KRT86: variants seen among roughly 807,000 people sequenced by gnomAD.
KRT86 encodes the protein keratin, type II cuticular Hb6.
Under a neutral mutation model 41.2 loss-of-function variants are expected in KRT86, and 30 were observed. That is an observed-to-expected ratio of 0.73 (90% confidence interval 0.54 to 0.99). KRT86 has a LOEUF of 0.99. KRT86 is among the 50% of genes least tolerant of loss of function. The probability of loss-of-function intolerance (pLI) is 0.00; values close to 1 mark genes in which losing one functional copy is unlikely to be tolerated. For missense variants in KRT86, 561 were observed against 571.4 expected (o/e 0.98, Z 0.19); for synonymous variants, 238 against 238.1 (o/e 1.00, Z 0.00).
intron 2 of KRT86, chr12:52,287,450 G>A (rs2121235475): frequency 3.8e-6 from 6 of 1,570,878 alleles, no homozygotes; most frequent in South Asian, 3.4e-5. Context: ...TTATCACCTG[G>A]GACTCATTGA....
intron 2 of KRT86, among the ~76,000 whole-genome samples, chr12:52,298,013 CTG>C (rs1481051131): frequency 6.6e-6 from 1 of 152,204 alleles, no homozygotes; most frequent in East Asian, 1.9e-4. Flanking sequence ...TAATTTATGA[CTG>C]AGGATTTCTG....
chr12:52,287,804 A>G (rs748654897), intron 2 of KRT86: 342 of 1,612,208 alleles, frequency 2.1e-4, no homozygotes, highest in Middle Eastern at 9.9e-4. Flanking sequence ...TGCAGGTTGT[A>G]CAGTGCTCAG....
intron 2 of KRT86, chr12:52,286,464 AC>A (rs1937939688): frequency 6.4e-7 from 1 of 1,552,506 alleles, no homozygotes. Context: ...AGGTCCCCGC[AC>A]ACGACCCCGC....
chr12:52,285,258 G>T (rs527472581), intron 2 of KRT86, among the ~76,000 whole-genome samples: 1 of 151,978 alleles, frequency 6.6e-6, no homozygotes, highest in East Asian at 1.9e-4. Flanking sequence ...GCTGGAGTCC[G>T]TGTCCCCCCT....
chr12:52,305,564 C>T lies in KRT86; in HGVS notation c.901-99C>T. 3 of 1,605,378 alleles carry T rather than the reference C, an allele frequency of 1.9e-6. No homozygotes were observed. In the South Asian group the frequency reaches 3.3e-5, roughly 18 times the overall value. On this transcript the variant is annotated intron_variant, in intron 7 of 10. Coordinates refer to ENST00000423955, the MANE Select transcript of KRT86 (RefSeq NM_001320198.2). The stretch of plus-strand genomic sequence containing the variant: ...AGGGCAGGACTGCCATGTGTGGTTG[C>T]ACAGGCTGAGCACTGCACAACCTGC...
Position 52,306,178 on chromosome 12 carries a change from T to C in KRT86, c.1145T>C (p.Met382Thr). Residue 382 changes from methionine to threonine, a missense_variant, in exon 9 of 11, where the codon ATG becomes ACG. This residue lies in a region of KRT86 where 397 missense variants were observed against 375.9 expected (regional missense o/e 1.06). Coordinates refer to ENST00000423955, the MANE Select transcript of KRT86 (RefSeq NM_001320198.2). ...GCCCTGCAGAAGGCCAAGCAGGACATGGCCTGCCTGATCAGGGAGTACCAG... is the reference window on the plus strand; with the variant it reads ...GCCCTGCAGAAGGCCAAGCAGGACACGGCCTGCCTGATCAGGGAGTACCAG... ...EGALQKAKQD[M>T]ACLIREYQEV... 6.2e-7 allele frequency: 1 copy of C among 1,613,852 alleles called. No homozygotes were observed. Among genetic ancestry groups the C allele is most frequent in the Non-Finnish European group, 8.5e-7 (1 of 1,180,034 alleles).
chr12:52,287,738 T>C (rs912628855), intron 2 of KRT86: 1 of 1,613,948 alleles, frequency 6.2e-7, no homozygotes, highest in Non-Finnish European at 8.5e-7. Context: ...GAAGTAGAGA[T>C]GCTCATGAGG....
At chr12:52,291,667 T>G (rs955693749) in intron 2 of KRT86, 1 of 713,274 alleles carries the variant, frequency 1.4e-6, no homozygotes, top group African/African-American at 1.8e-5. Flanking sequence ...CAGAATGTGC[T>G]TTAATGGGGG....
chr12:52,294,673 G>GA (rs1266617818), intron 2 of KRT86, among the ~76,000 whole-genome samples: 1 of 152,056 alleles, frequency 6.6e-6, no homozygotes, highest in Non-Finnish European at 1.5e-5. Flanking sequence ...CCACTTATAG[G>GA]AAAAAATAGA....
intron 9 of KRT86, 80 bp from the exon 10 acceptor site, chr12:52,308,153 A>G: frequency 6.3e-7 from 1 of 1,592,746 alleles, no homozygotes; most frequent in African/African-American, 1.3e-5. Context: ...ATGGAGGGCC[A>G]CAGATGTCCC....
At chr12:52,279,827 C>T (rs1399899507) in intron 2 of KRT86, among the ~76,000 whole-genome samples, 1 of 152,122 alleles carries the variant, frequency 6.6e-6, no homozygotes. Context: ...GCTGAGAATT[C>T]CATTCTCCAT....
intron 2 of KRT86, among the ~76,000 whole-genome samples, chr12:52,279,828 C>G (rs116425546): frequency 6.6e-6 from 1 of 152,152 alleles, no homozygotes; most frequent in East Asian, 1.9e-4. Flanking sequence ...CTGAGAATTC[C>G]ATTCTCCATC....
chr12:52,286,681 A>T, intron 2 of KRT86: 2 of 1,299,090 alleles, frequency 1.5e-6, no homozygotes, highest in South Asian at 2.5e-5. Context: ...TCCTGTTGTG[A>T]TGCCAGCCCA....
intron 2 of KRT86, among the ~76,000 whole-genome samples, chr12:52,294,560 G>A (rs1938205787): frequency 6.6e-6 from 1 of 152,188 alleles, no homozygotes; most frequent in Non-Finnish European, 1.5e-5. Flanking sequence ...CTCTGGCAAG[G>A]TAAAGAGGAT....
rs756291633 is a variant in KRT86 at position 52,308,486 on chromosome 12, T to C, written c.1362T>C (p.Ser454=). 13 of 1,610,116 alleles carry C rather than the reference T, an allele frequency of 8.1e-6. No homozygotes were observed. The East Asian group carries it at 1.8e-4, about 22-fold the overall frequency. Residue 454 remains serine, a synonymous_variant, in exon 11 of 11, where the codon AGT becomes AGC. Transcript: ENST00000423955. Reference sequence around the variant, plus strand: ...CCCCTGTTGTCTCCACCAGAGTCAGTAGCGTCCCCAGCAACAGCAACGTGG... The same window carrying C: ...CCCCTGTTGTCTCCACCAGAGTCAGCAGCGTCCCCAGCAACAGCAACGTGG... ...TTAPVVSTRV[S]SVPSNSNVVV...
chr12:52,305,760 C>A lies in KRT86; in HGVS notation c.998C>A (p.Thr333Lys). 6.2e-7 allele frequency: 1 copy of A among 1,614,040 alleles called. No individual in the cohort carries two copies. Among genetic ancestry groups the A allele is most frequent in the Non-Finnish European group, 8.5e-7 (1 of 1,179,910 alleles). Reference sequence around the variant, plus strand: ...CTGAACCGCATGATCCAGAGGCTGACGGCTGAGGTGGAGAATGCCAAGTGC... The same window carrying A: ...CTGAACCGCATGATCCAGAGGCTGAAGGCTGAGGTGGAGAATGCCAAGTGC... ...NELNRMIQRL[T>K]AEVENAKCQN... The change falls in exon 8 of 11, where the codon ACG (threonine) becomes AAG (lysine). Residue 333 changes from threonine to lysine, a missense_variant. Thr to Lys is a moderately conservative substitution (Grantham distance 78, BLOSUM62 -1). Around this residue, in one of 3 missense-constraint regions of KRT86, gnomAD observed 397 missense variants for 375.9 expected, o/e 1.06. Coordinates refer to ENST00000423955, the MANE Select transcript of KRT86 (RefSeq NM_001320198.2).
intron 2 of KRT86, among the ~76,000 whole-genome samples, chr12:52,301,274 G>A (rs1441534436): frequency 6.6e-6 from 1 of 152,004 alleles, no homozygotes; most frequent in Non-Finnish European, 1.5e-5. Context: ...AAAAAAACAT[G>A]TTGATAGGTA....
At chr12:52,288,486 G>C in intron 2 of KRT86, 2 of 1,612,776 alleles carry the variant, frequency 1.2e-6, no homozygotes, top group Non-Finnish European at 1.7e-6. Flanking sequence ...TGGAGCTCAA[G>C]GACCCTGGTG....
chr12:52,304,843 C>T, intron 5 of KRT86, 89 bp from the exon 6 acceptor site: 1 of 1,446,918 alleles, frequency 6.9e-7, no homozygotes, highest in Non-Finnish European at 9.7e-7. Context: ...ACTCCTTTCC[C>T]CAGGCTTCAT....
Sources: gnomAD v4.1 joint callset for allele counts (sites outside exome capture counted in the v4.1 genomes callset) on GRCh38, gnomAD v4.1.1 for gene constraint, gnomAD v4.1.1 regional missense constraint, MANE v1.5 for transcripts, NCBI Gene and HGNC (gene_info 2026-07-23, HGNC 2026-07-21) for gene names.